The following AXIN2 variants were observed in gnomAD, a reference collection of about 807,000 sequenced individuals.
AXIN2 encodes axin-2.
A neutral mutation model predicts 74.7 loss-of-function variants in AXIN2; 21 were observed. The observed-to-expected ratio is 0.28, with a 90% CI of 0.20 to 0.40. The LOEUF is 0.40. AXIN2 is among the 10% of genes least tolerant of loss of function. The probability of loss-of-function intolerance (pLI) is 1.00; values close to 1 mark genes in which losing one functional copy is unlikely to be tolerated. For synonymous variants in AXIN2, 532 were observed against 454.9 expected, an observed-to-expected ratio of 1.17 and a Z score of -2.16; for missense variants, 1,144 against 1,111.1, an observed-to-expected ratio of 1.03 and a Z score of -0.42.
intron 2 of AXIN2, among the ~76,000 whole-genome samples, chr17:65,554,915 CGTGT>C (rs941243768): frequency 2.6e-5 from 4 of 152,196 alleles, no homozygotes; most frequent in Non-Finnish European, 4.4e-5. Flanking sequence ...CGACACTGTG[CGTGT>C]GTGTGTCTGT....
At chr17:65,530,292 G>A (rs577325404) in intron 10 of AXIN2, among the ~76,000 whole-genome samples, 190 bp from the exon 11 acceptor site, 36 of 152,324 alleles carry the variant, frequency 2.4e-4, no homozygotes, top group African/African-American at 8.2e-4. Context: ...CAGGTGGGCC[G>A]AGATGATGAA....
chr17:65,547,623 C>T (rs774633730), intron 3 of AXIN2, among the ~76,000 whole-genome samples: 4 of 152,202 alleles, frequency 2.6e-5, no homozygotes, highest in Non-Finnish European at 5.9e-5. Flanking sequence ...CAAAAATAGT[C>T]TCTAAGAAAA....
At chr17:65,547,766 T>C (rs2044137200) in intron 3 of AXIN2, among the ~76,000 whole-genome samples, 1 of 152,162 alleles carries the variant, frequency 6.6e-6, no homozygotes, top group Non-Finnish European at 1.5e-5. Flanking sequence ...CAAAGTAATA[T>C]ATGCTACAGG....
At position 65,536,997 on chromosome 17, in the gene AXIN2, G is replaced by A. The variant is rs780074933; in HGVS notation, c.1779C>T (p.Pro593=). The change falls in exon 7 of 11, where the codon CCC becomes CCT. Residue 593 remains proline, a synonymous_variant. Coordinates refer to ENST00000307078, the MANE Select transcript of AXIN2 (RefSeq NM_004655.4). ...CGCCGGGGGCCCCTCCTTCCCTGGC[G>A]GGCAGGGCCAGGCCCGGCTCCGTGC... ...GKGTEPGLAL[P]AREGGAPGGA... 9 of 1,612,206 alleles carry A rather than the reference G, an allele frequency of 5.6e-6. No individual in the cohort carries two copies. The South Asian group carries it at 6.6e-5, about 12-fold the overall frequency.
At chr17:65,545,459 G>A (rs8072489) in intron 3 of AXIN2, among the ~76,000 whole-genome samples, 1 of 152,112 alleles carries the variant, frequency 6.6e-6, no homozygotes, top group Non-Finnish European at 1.5e-5. Context: ...GGAGGCCGAG[G>A]TGGGTGGGTC....
At chr17:65,543,798 G>A (rs1430646223) in intron 3 of AXIN2, among the ~76,000 whole-genome samples, 1 of 152,210 alleles carries the variant, frequency 6.6e-6, no homozygotes, top group Non-Finnish European at 1.5e-5. Context: ...GCATGAGGGG[G>A]AAATTTGTGG....
chr17:65,541,024 A>G (rs9910654), intron 4 of AXIN2, among the ~76,000 whole-genome samples: 139,487 of 152,100 alleles, frequency 0.92, 64,088 homozygotes, highest in African/African-American at 0.98. Flanking sequence ...CTACAGGCGC[A>G]CGTCACCACG....
At chr17:65,542,742 T>A (rs2044061762) in intron 3 of AXIN2, among the ~76,000 whole-genome samples, 1 of 152,182 alleles carries the variant, frequency 6.6e-6, no homozygotes, top group Non-Finnish European at 1.5e-5. Context: ...CCCATTGATG[T>A]CCCTTCAGGA....
At chr17:65,534,769 CA>C (rs1393044651) in intron 9 of AXIN2, among the ~76,000 whole-genome samples, 1 of 152,022 alleles carries the variant, frequency 6.6e-6, no homozygotes, top group Non-Finnish European at 1.5e-5. Context: ...TCTCTACTAA[CA>C]ATACAAAAAA....
intron 2 of AXIN2, among the ~76,000 whole-genome samples, chr17:65,552,039 AT>A (rs5821587): frequency 0.95 from 145,173 of 152,198 alleles, 69,293 homozygotes; most frequent in Middle Eastern, 0.97. Context: ...ACCTCCTGGG[AT>A]TTTTTTGGTG....
intron 3 of AXIN2, among the ~76,000 whole-genome samples, chr17:65,547,110 T>G (rs1370413456): frequency 6.6e-6 from 1 of 152,048 alleles, no homozygotes; most frequent in African/African-American, 2.4e-5. Flanking sequence ...AGCTTTAAAG[T>G]CACCTCTAAA....
At chr17:65,549,699 T>C in intron 2 of AXIN2, 39 bp from the exon 3 acceptor site, 1 of 1,571,566 alleles carries the variant, frequency 6.4e-7, no homozygotes, top group Non-Finnish European at 8.6e-7. Context: ...TCACTGACCC[T>C]CACCAGAAAC....
At chr17:65,538,011 T>C in intron 5 of AXIN2, 176 bp from the exon 6 acceptor site, 6 of 1,326,952 alleles carry the variant, frequency 4.5e-6, no homozygotes, top group Admixed American at 4.0e-5. Flanking sequence ...CACACGCATA[T>C]GCACACCCAC....
At chr17:65,533,778 C>T in intron 10 of AXIN2, 134 bp downstream of exon 10, 1 of 1,022,848 alleles carries the variant, frequency 9.8e-7, no homozygotes, top group South Asian at 1.4e-5. Context: ...AGAAGGGAGC[C>T]TCCCCCAGCG....
Position 65,534,019 on chromosome 17 carries a change from G to A in AXIN2, c.2298C>T (p.Val766=), listed in dbSNP as rs2144419575. 1 of 1,614,228 alleles carries A rather than the reference G, an allele frequency of 6.2e-7. No homozygotes were observed. Among genetic ancestry groups the A allele is most frequent in the Non-Finnish European group, 8.5e-7 (1 of 1,180,042 alleles). The change falls in exon 10 of 11, where the codon GTC becomes GTT. Residue 766 remains valine, a synonymous_variant. Coordinates refer to ENST00000307078, the MANE Select transcript of AXIN2 (RefSeq NM_004655.4). ...TTTCTTCCCCACAGAAAAAGTAAGT[G>A]ACAACCAACTCACTGGCCTGGAGCG... ...VHALQASELV[V]TYFFCGEEIP... is the part of the protein sequence containing the mutation.
At chr17:65,537,113 C>T (rs1399177359) in intron 6 of AXIN2, 50 bp from the exon 7 acceptor site, 4 of 1,578,972 alleles carry the variant, frequency 2.5e-6, no homozygotes, top group South Asian at 1.1e-5. Flanking sequence ...GTTAAATCTC[C>T]GGGACTCCTA....
Position 65,537,827 on chromosome 17 carries a change from C to A in AXIN2, c.1209G>T (p.Glu403Asp), listed in dbSNP as rs774657791. 1.3e-5 allele frequency: 20 copies of A among 1,557,442 alleles called. No homozygotes were observed. The highest frequency in any genetic ancestry group is 1.6e-5 in the Non-Finnish European group (19 of 1,151,660). ...ERLQQIREDE[E>D]REGSELTLNS... ...TGAGTGTGAGCTCGGAGCCCTCTCT[C>A]TCTTCATCCTGAAAGGGAAGACGTC... The change falls in exon 6 of 11, where the codon GAG becomes GAT. Residue 403 changes from glutamate to aspartate, a missense_variant. By Grantham distance (45) the Glu-to-Asp change is conservative. Around this residue, in one of 4 missense-constraint regions of AXIN2, gnomAD observed 1,053 missense variants for 973.5 expected, o/e 1.08. Transcript: ENST00000307078.
At position 65,558,051 on chromosome 17, in the gene AXIN2, A is replaced by C. The variant is rs1337342790; in HGVS notation, c.570T>G (p.Phe190Leu). Residue 190 changes from phenylalanine (F) to leucine (L), a missense_variant, in exon 2 of 11, where the codon TTT becomes TTG. This residue lies in a region of AXIN2 where 1,053 missense variants were observed against 973.5 expected (regional missense o/e 1.08). Transcript: ENST00000307078. ...SVMEENAYQM[F>L]LTSDIYLEYV... ...ATTCGAGGTATATATCAGAAGTCAA[A>C]AACATCTGGTAGGCATTTTCCTCCA... 6.2e-7 allele frequency: 1 copy of C among 1,613,850 alleles called. No homozygotes were observed. The highest frequency in any genetic ancestry group is 2.2e-5 in the East Asian group (1 of 44,872).
chr17:65,561,563 A>C lies in AXIN2; in HGVS notation c.-230T>G, dbSNP rs934454587. ...CTCGGGCTGTTACTGAGTTGCCAGG[A>C]CCTTATCAAAGCGCAGCCGGCTCCA... On this transcript the variant is annotated 5_prime_UTR_variant, in exon 1 of 11. Coordinates refer to ENST00000307078, the MANE Select transcript of AXIN2 (RefSeq NM_004655.4). 1.3e-5 allele frequency: 2 copies of C among 150,570 alleles called. No individual in the cohort carries two copies. Among genetic ancestry groups the C allele is most frequent in the Non-Finnish European group, 3.0e-5 (2 of 67,424 alleles). The allele number at this position is 150,570 out of a possible 1,614,324, so 9.3% of individuals were successfully genotyped here.
Sources: allele counts gnomAD v4.1 joint callset (sites outside exome capture counted in the v4.1 genomes callset), GRCh38; gene constraint gnomAD v4.1.1; regional missense constraint gnomAD v4.1.1; transcripts MANE v1.5; gene names NCBI Gene and HGNC (gene_info 2026-07-23, HGNC 2026-07-21).